The following TBKBP1 variants were observed in gnomAD, a reference collection of about 807,000 sequenced individuals.
TBKBP1 encodes the protein TANK-binding kinase 1-binding protein 1.
TBKBP1 carries 47 observed loss-of-function variants against 69.9 expected under a neutral mutation model. The observed-to-expected ratio is 0.67, with a 90% CI of 0.53 to 0.86. The LOEUF is 0.86. TBKBP1 is among the 40% of genes least tolerant of loss of function. The pLI is 0.00. For synonymous variants in TBKBP1, 418 were observed against 390.3 expected (o/e 1.07, Z -0.84); for missense variants, 831 against 858.6 (o/e 0.97, Z 0.40).
chr17:47,701,655 G>A (rs2031508915), intron 7 of TBKBP1, among the ~76,000 whole-genome samples: 1 of 152,224 alleles, frequency 6.6e-6, no homozygotes, highest in Non-Finnish European at 1.5e-5. Context: ...AGAGATGGGA[G>A]AGGAAGGTGA....
intron 7 of TBKBP1, among the ~76,000 whole-genome samples, chr17:47,706,997 C>A (rs2031725808): frequency 6.6e-6 from 1 of 152,234 alleles, no homozygotes; most frequent in South Asian, 2.1e-4. Flanking sequence ...GGCTTAAGAA[C>A]TTGAGCCCCC....
chr17:47,694,460 G>C (rs1165217544), intron 1 of TBKBP1, among the ~76,000 whole-genome samples: 17 of 152,096 alleles, frequency 1.1e-4, no homozygotes, highest in Admixed American at 1.1e-3. Flanking sequence ...TTGTGGGGGA[G>C]GGGGCTGCGT....
chr17:47,701,372 C>CAT (rs2031496313), intron 7 of TBKBP1, among the ~76,000 whole-genome samples: 1 of 151,550 alleles, frequency 6.6e-6, no homozygotes, highest in Non-Finnish European at 1.5e-5. Context: ...CACACACACA[C>CAT]ACACACTCTC....
rs1232542443 is a variant in TBKBP1, at chr17:47,708,984, GC to G, written c.1257del (p.Ser420AlafsTer33). On this transcript the variant is annotated frameshift_variant, in exon 9 of 10. Coordinates refer to ENST00000578982, the MANE Select transcript of TBKBP1 (RefSeq NM_001394755.1). LOFTEE classifies it high-confidence loss of function. This position sits in a 1 kb window ranked among gnomAD's most constrained non-coding sequence, Gnocchi z 4.4. Reference sequence around the variant, plus strand: ...CCAGCCCGCAGCGCCGTTCCCCGGTGCCCCCCAGCTGCCCGGCCCCGCAGCC... The same window carrying G: ...CCAGCCCGCAGCGCCGTTCCCCGGTGCCCCCAGCTGCCCGGCCCCGCAGCC... ...SPSPQRRSPV[P>X]PSCPAPQPRP... 5.3e-6 allele frequency: 6 copies of G among 1,125,962 alleles called. No individual in the cohort carries two copies. The highest frequency in any genetic ancestry group is 3.4e-5 in the South Asian group (1 of 29,032). The allele number at this position is 1,125,962 out of a possible 1,614,324, so 69.7% of individuals were successfully genotyped here.
Position 47,699,765 on chromosome 17 carries a change from G to T in TBKBP1, c.872+68G>T, listed in dbSNP as rs532421828. The stretch of plus-strand genomic sequence containing the variant: ...AGACCTCCCCTCCCAGCCCTCAGGG[G>T]TGTGGTGTCTGGGCTGCTGTTGCTC... On this transcript the variant is annotated intron_variant, in intron 7 of 9. Transcript: ENST00000578982. The T allele has an allele frequency of 1.3e-4, 199 of 1,583,414 alleles. 1 individual carries two copies. The East Asian group carries it at 4.2e-3, about 34-fold the overall frequency.
At chr17:47,699,824 CTTTTTT>C in intron 7 of TBKBP1, 127 bp downstream of exon 7, 1 of 777,454 alleles carries the variant, frequency 1.3e-6, no homozygotes. Flanking sequence ...AGGTGGGGTT[CTTTTTT>C]TTTTTTTTTG....
rs377158828 is a variant in TBKBP1 at position 47,698,722 on chromosome 17, C to G, written c.581C>G (p.Thr194Ser). 1.9e-6 allele frequency: 3 copies of G among 1,607,668 alleles called. No individual in the cohort carries two copies. Among genetic ancestry groups the G allele is most frequent in the Non-Finnish European group, 2.5e-6 (3 of 1,176,992 alleles). ...SPPPAPAPPC[T>S]DLDLHYLALR... is the part of the protein sequence containing the mutation. The stretch of plus-strand genomic sequence containing the variant: ...CCGCCAGCCCCCGCCCCTCCCTGCA[C>G]TGATTTAGACCTGCACTACCTGGCA... Residue 194 changes from threonine to serine, a missense_variant, in exon 5 of 10, where the codon ACT becomes AGT. By Grantham distance (58) the Thr-to-Ser change is moderately conservative. Coordinates refer to ENST00000578982, the MANE Select transcript of TBKBP1 (RefSeq NM_001394755.1).
chr17:47,703,185 G>T (rs2031575671), intron 7 of TBKBP1, among the ~76,000 whole-genome samples: 1 of 151,954 alleles, frequency 6.6e-6, no homozygotes, highest in South Asian at 2.1e-4. Context: ...CTGCAGCCCG[G>T]GCCCTTTTCC....
At chr17:47,706,565 C>A (rs900215835) in intron 7 of TBKBP1, among the ~76,000 whole-genome samples, 1 of 152,266 alleles carries the variant, frequency 6.6e-6, no homozygotes, top group Admixed American at 6.5e-5. Flanking sequence ...CCCTGCTCAC[C>A]ATCAGATGGG....
In TBKBP1 at chr17:47,709,265, G is replaced by A. The variant is rs1309580118; in HGVS notation, c.1532G>A (p.Gly511Asp). Reference protein sequence around the residue: ...RPLSPRRAFEGIRLRFEKQPS... With the variant: ...RPLSPRRAFEDIRLRFEKQPS... ...CTCAGCCCGCGGCGCGCCTTCGAGGGCATCCGGCTGCGCTTCGAGAAGCAG... is the reference window on the plus strand; with the variant it reads ...CTCAGCCCGCGGCGCGCCTTCGAGGACATCCGGCTGCGCTTCGAGAAGCAG... The change falls in exon 9 of 10, where the codon GGC becomes GAC. Residue 511 changes from glycine to aspartate, a missense_variant. Gly to Asp is a moderately conservative substitution (Grantham distance 94). Coordinates refer to ENST00000578982, the MANE Select transcript of TBKBP1 (RefSeq NM_001394755.1). 2.1e-5 allele frequency: 32 copies of A among 1,522,376 alleles called. No individual in the cohort carries two copies. Among genetic ancestry groups the A allele is most frequent in the Non-Finnish European group, 2.6e-5 (30 of 1,143,448 alleles). 94.3% of individuals were successfully genotyped at this position (1,522,376 alleles called of 1,614,324 possible).
chr17:47,700,289 C>CTTTTTTTTGTTTTTTTTTTTTTTTTTTT (rs2031446048), intron 7 of TBKBP1, among the ~76,000 whole-genome samples: 1 of 41,476 alleles, frequency 2.4e-5, no homozygotes, highest in Non-Finnish European at 4.4e-5. Flanking sequence ...GCGCCCGGAC[C>CTTTTTTTTGTTTTTTTTTTTTTTTTTTT]TTTTTTTTTT....
At chr17:47,697,250 TG>T (rs1270635247) in intron 4 of TBKBP1, 57 bp downstream of exon 4, 2 of 1,456,850 alleles carry the variant, frequency 1.4e-6, no homozygotes, top group East Asian at 2.4e-5. Context: ...TGTGTGTGCA[TG>T]TGTGCATTTA....
Position 47,699,482 on chromosome 17 carries a change from A to C in TBKBP1, c.797A>C (p.Glu266Ala). 3.2e-6 allele frequency: 5 copies of C among 1,578,442 alleles called. No homozygotes were observed. Among genetic ancestry groups the C allele is most frequent in the Non-Finnish European group, 4.3e-6 (5 of 1,161,644 alleles). ...CAGGGGGAGCTGAAGCAGCTGCAGG[A>C]GACCCGGGCCCAGGTAAATGCAGGG... is the stretch of plus-strand genomic sequence containing the variant. ...RLQGELKQLQETRAQDLASNQ... is the reference protein window; with the variant it reads ...RLQGELKQLQATRAQDLASNQ... Residue 266 changes from glutamate (E) to alanine (A), a missense_variant, in exon 6 of 10, where the codon GAG becomes GCG. Physicochemically the swap from Glu to Ala is moderately radical, Grantham distance 107 (BLOSUM62 -1). Transcript: ENST00000578982.
chr17:47,696,646 G>A, intron 2 of TBKBP1, 65 bp from the exon 3 acceptor site: 3 of 1,610,136 alleles, frequency 1.9e-6, no homozygotes, highest in Non-Finnish European at 1.7e-6. Context: ...TGGGGGCACA[G>A]CCAGGCTGAG....
chr17:47,705,835 T>C (rs1222277240), intron 7 of TBKBP1, among the ~76,000 whole-genome samples: 1 of 152,140 alleles, frequency 6.6e-6, no homozygotes, highest in Non-Finnish European at 1.5e-5. Context: ...GTCAATCACC[T>C]TGCCGGGGAC....
rs2031903737 is a variant in TBKBP1 at position 47,710,957 on chromosome 17, C to T, written c.*331C>T. On this transcript the variant is annotated 3_prime_UTR_variant, in exon 10 of 10. Transcript: ENST00000578982. ...TCAGGGTTGGATCCAAGAAGGTGTCCAGTGCTTGGGCCTGGGGTGGGGGGA... is the reference window on the plus strand; with the variant it reads ...TCAGGGTTGGATCCAAGAAGGTGTCTAGTGCTTGGGCCTGGGGTGGGGGGA... The T allele has an allele frequency of 9.7e-6, 2 of 206,890 alleles. No homozygotes were observed. Among genetic ancestry groups the T allele is most frequent in the African/African-American group, 4.6e-5 (2 of 43,324 alleles). The allele number at this position is 206,890 out of a possible 1,614,324, so 12.8% of individuals were successfully genotyped here. A position where few individuals can be genotyped will look rare whatever the true frequency, so the allele number is the denominator to read the frequency against.
At chr17:47,701,031 C>A (rs2031480737) in intron 7 of TBKBP1, among the ~76,000 whole-genome samples, 1 of 152,156 alleles carries the variant, frequency 6.6e-6, no homozygotes, top group South Asian at 2.1e-4. Context: ...GACTGAGGCC[C>A]AGAGAGGGGC....
chr17:47,710,662 TCTC>T lies in TBKBP1; in HGVS notation c.*39_*41del, dbSNP rs1387020666. On this transcript the variant is annotated 3_prime_UTR_variant, in exon 10 of 10. Transcript: ENST00000578982. Reference sequence around the variant, plus strand: ...CCACCCACTGGCTGTTTCTCCGTCCTCTCCTATCACCCCCAAACACTCACTTTG... The same window carrying T: ...CCACCCACTGGCTGTTTCTCCGTCCTCTATCACCCCCAAACACTCACTTTG... 6.3e-7 allele frequency: 1 copy of T among 1,581,670 alleles called. No homozygotes were observed. The highest frequency in any genetic ancestry group is 2.3e-5 in the East Asian group (1 of 43,824).
chr17:47,708,757 T>TCCCCCGCCCC lies in TBKBP1; in HGVS notation c.1028_1029insCGCCCCCCCC (p.Gln346ProfsTer122). 1.5e-6 allele frequency: 2 copies of TCCCCCGCCCC among 1,299,400 alleles called. No homozygotes were observed. The highest frequency in any genetic ancestry group is 2.0e-6 in the Non-Finnish European group (2 of 997,182). The allele number at this position is 1,299,400 out of a possible 1,614,324, so 80.5% of individuals were successfully genotyped here. A position where few individuals can be genotyped will look rare whatever the true frequency, so the allele number is the denominator to read the frequency against. On this transcript the variant is annotated frameshift_variant, in exon 9 of 10. Transcript: ENST00000578982. LOFTEE classifies it high-confidence loss of function. This position sits in a 1 kb window ranked among gnomAD's most constrained non-coding sequence, Gnocchi z 4.4. ...GCACTCGCCGCTGTCACAACGCCAC[T>TCCCCCGCCCC]CCCCGGCCCCCCAGTGCCCCTCCCC...
Sources: gnomAD v4.1 joint callset for allele counts (sites outside exome capture counted in the v4.1 genomes callset) on GRCh38, gnomAD v4.1.1 for gene constraint, Gnocchi (gnomAD v3.1) non-coding constraint, MANE v1.5 for transcripts, NCBI Gene and HGNC (gene_info 2026-07-23, HGNC 2026-07-21) for gene names.